The following GRM3 variants were observed in gnomAD, a reference collection of about 807,000 sequenced individuals.
GRM3 encodes metabotropic glutamate receptor 3.
GRM3 carries 26 observed loss-of-function variants against 70.5 expected under a neutral mutation model. That is an observed-to-expected ratio of 0.37 (90% CI 0.27 to 0.51). GRM3 has a LOEUF of 0.51. Among genes scored for constraint, GRM3 ranks in the 20% least tolerant of loss-of-function variants. The probability of loss-of-function intolerance (pLI) is 0.93; values close to 1 mark genes in which losing one functional copy is unlikely to be tolerated. For missense variants in GRM3, 859 were observed against 1,123.8 expected (o/e 0.76, Z 3.37); for synonymous variants, 443 against 434.9 (o/e 1.02, Z -0.23).
chr7:86,707,001 TTTTC>T (rs938920242), intron 1 of GRM3, among the ~76,000 whole-genome samples: 18 of 152,028 alleles, frequency 1.2e-4, no homozygotes, highest in South Asian at 6.2e-4. Context: ...CTTTTTAAAA[TTTTC>T]TTTGAGGAAA....
chr7:86,712,023 T>G (rs1795210775), intron 1 of GRM3, among the ~76,000 whole-genome samples: 1 of 152,086 alleles, frequency 6.6e-6, no homozygotes, highest in Admixed American at 6.6e-5. Context: ...GTTTCTACTT[T>G]TGTATGCTCT....
chr7:86,800,480 A>G (rs1265791687), intron 3 of GRM3, among the ~76,000 whole-genome samples: 1 of 152,234 alleles, frequency 6.6e-6, no homozygotes, highest in East Asian at 1.9e-4. Flanking sequence ...CCACAGAAAT[A>G]CAAGCAACCA....
chr7:86,740,525 A>G (rs1009402199), intron 1 of GRM3, among the ~76,000 whole-genome samples: 2 of 152,240 alleles, frequency 1.3e-5, no homozygotes, highest in Non-Finnish European at 2.9e-5. Flanking sequence ...GCCTAACCAG[A>G]ATAAAAAGAT....
At chr7:86,815,521 C>A (rs1386135839) in intron 3 of GRM3, among the ~76,000 whole-genome samples, 1 of 151,900 alleles carries the variant, frequency 6.6e-6, no homozygotes, top group Non-Finnish European at 1.5e-5. Context: ...TTTCTACCAT[C>A]ATATGCAAAT....
intron 4 of GRM3, among the ~76,000 whole-genome samples, chr7:86,844,559 T>A (rs1798617591): frequency 6.8e-6 from 1 of 147,922 alleles, no homozygotes; most frequent in African/African-American, 2.6e-5. Flanking sequence ...CACATTTTAG[T>A]AGAAAAAATC....
intron 3 of GRM3, among the ~76,000 whole-genome samples, chr7:86,801,016 G>A (rs1797667881): frequency 1.3e-5 from 2 of 150,896 alleles, no homozygotes; most frequent in African/African-American, 4.9e-5. Context: ...TAAACAAGTT[G>A]GCTAGCAACT....
chr7:86,788,390 A>G (rs1797323290), intron 3 of GRM3, among the ~76,000 whole-genome samples: 1 of 152,204 alleles, frequency 6.6e-6, no homozygotes, highest in Non-Finnish European at 1.5e-5. Context: ...TGCATGTTGC[A>G]TAACTTCTTT....
chr7:86,748,537 C>A (rs571202130), intron 1 of GRM3, among the ~76,000 whole-genome samples: 1 of 151,938 alleles, frequency 6.6e-6, no homozygotes, highest in Non-Finnish European at 1.5e-5. Flanking sequence ...CCTGAATAAT[C>A]CCCTTCCCCA....
intron 3 of GRM3, among the ~76,000 whole-genome samples, chr7:86,792,386 G>A (rs960642693): frequency 1.3e-5 from 2 of 152,188 alleles, no homozygotes; most frequent in African/African-American, 4.8e-5. Flanking sequence ...AAAAGAAAGA[G>A]CTTCCATTTG....
At chr7:86,762,277 A>G (rs1003097482) in intron 1 of GRM3, among the ~76,000 whole-genome samples, 2 of 152,048 alleles carry the variant, frequency 1.3e-5, no homozygotes, top group Non-Finnish European at 2.9e-5. Context: ...TCTCCCAGGG[A>G]GGCTCTGAGT....
chr7:86,697,620 G>T (rs1449417357), intron 1 of GRM3, among the ~76,000 whole-genome samples: 2 of 152,054 alleles, frequency 1.3e-5, no homozygotes, highest in Non-Finnish European at 2.9e-5. Flanking sequence ...TTTCAGAAAT[G>T]TTGACATAAG....
intron 1 of GRM3, among the ~76,000 whole-genome samples, chr7:86,666,541 A>T (rs574361307): frequency 5.9e-4 from 90 of 152,224 alleles, no homozygotes; most frequent in Middle Eastern, 3.4e-3. Flanking sequence ...AAGTTACATG[A>T]AACAGAACTT....
rs372467450 is a variant in GRM3, at chr7:86,846,074, G to A, written c.2392-4296G>A. Among the ~76,000 whole-genome samples the A allele has an allele frequency of 1.4e-4, 21 of 152,208 alleles. 1 individual carries two copies. The East Asian group carries it at 2.9e-3, about 21-fold the overall frequency. On this transcript the variant is annotated intron_variant, in intron 4 of 5. Coordinates refer to ENST00000361669, the MANE Select transcript of GRM3 (RefSeq NM_000840.3). ...CATAAGGGTTGGGGAAGTTTTCCAG[G>A]GCTGTCGCTGATGGTAGGAATTTGT...
chr7:86,653,600 T>C lies in GRM3; in HGVS notation c.-141+8728T>C, dbSNP rs569653351. On this transcript the variant is annotated intron_variant, in intron 1 of 5. Transcript: ENST00000361669. ...TTACCTATAGTAAGTTCCCATGAGA[T>C]ATGCAAACACATATAATAATACACA... is the stretch of plus-strand genomic sequence containing the variant. 5.9e-5 allele frequency among the ~76,000 whole-genome samples: 9 copies of C among 152,266 alleles called. No homozygotes were observed. In the East Asian group the frequency reaches 1.7e-3, roughly 29 times the overall value.
chr7:86,693,576 G>A (rs777656385), intron 1 of GRM3, among the ~76,000 whole-genome samples: 8 of 152,094 alleles, frequency 5.3e-5, no homozygotes, highest in Non-Finnish European at 1.0e-4. Flanking sequence ...CCAAATCGTA[G>A]GAAAATAAGA....
At chr7:86,698,826 C>G (rs879920539) in intron 1 of GRM3, among the ~76,000 whole-genome samples, 1 of 151,996 alleles carries the variant, frequency 6.6e-6, no homozygotes, top group Non-Finnish European at 1.5e-5. Context: ...TGTCATAAGC[C>G]ATTTCCATTT....
intron 1 of GRM3, among the ~76,000 whole-genome samples, chr7:86,761,118 G>A (rs1796469022): frequency 6.6e-6 from 1 of 152,122 alleles, no homozygotes; most frequent in African/African-American, 2.4e-5. Context: ...CATTTAGAAT[G>A]TTATTTGACA....
chr7:86,811,070 A>C (rs903205079), intron 3 of GRM3, among the ~76,000 whole-genome samples: 2 of 151,900 alleles, frequency 1.3e-5, no homozygotes, highest in Non-Finnish European at 2.9e-5. Flanking sequence ...ATCAATTTTC[A>C]TGTGGATTTC....
Position 86,672,559 on chromosome 7 carries a change from A to G in GRM3, c.-141+27687A>G, listed in dbSNP as rs537166220. On this transcript the variant is annotated intron_variant, in intron 1 of 5. Coordinates refer to ENST00000361669, the MANE Select transcript of GRM3 (RefSeq NM_000840.3). ...GTGCCTTTCCTCCAGATACGACCTC[A>G]TCTCAAGTGGTTGCCTGGGGCAGGG... is the stretch of plus-strand genomic sequence containing the variant. Among the ~76,000 whole-genome samples the G allele has an allele frequency of 2.6e-5, 4 of 151,078 alleles. No individual in the cohort carries two copies. The East Asian group carries it at 7.8e-4, about 29-fold the overall frequency.
Sources: allele counts gnomAD v4.1 joint callset (sites outside exome capture counted in the v4.1 genomes callset), GRCh38; gene constraint gnomAD v4.1.1; transcripts MANE v1.5; gene names NCBI Gene and HGNC (gene_info 2026-07-23, HGNC 2026-07-21).